Variants in FRMD4A observed in about 807,000 individuals in gnomAD.
FRMD4A encodes FERM domain-containing protein 4A.
A neutral mutation model predicts 129.1 loss-of-function variants in FRMD4A; 29 were observed. The observed-to-expected ratio is 0.22, with a 90% CI of 0.17 to 0.31. FRMD4A has a LOEUF of 0.31. Among genes scored for constraint, FRMD4A ranks in the 10% least tolerant of loss-of-function variants. FRMD4A has a pLI of 1.00. For missense variants in FRMD4A, 1,272 were observed against 1,375.8 expected (o/e 0.92, Z 1.19); for synonymous variants, 634 against 571.6 (o/e 1.11, Z -1.56).
chr10:14,209,132 C>A (rs570289265), intron 2 of FRMD4A, among the ~76,000 whole-genome samples: 1 of 152,204 alleles, frequency 6.6e-6, no homozygotes, highest in African/African-American at 2.4e-5. Flanking sequence ...GCCTTGTGGC[C>A]TCATCACTCC....
intron 2 of FRMD4A, among the ~76,000 whole-genome samples, chr10:14,184,482 CTATTA>C (rs60578928): frequency 0.12 from 17,521 of 141,356 alleles, 2,002 homozygotes; most frequent in African/African-American, 0.31. Context: ...ACTTTCTATT[CTATTA>C]TGTTAAAAAA....
chr10:13,856,614 G>A (rs2131030791), intron 3 of FRMD4A, among the ~76,000 whole-genome samples: 1 of 152,262 alleles, frequency 6.6e-6, no homozygotes, highest in South Asian at 2.1e-4. Flanking sequence ...AGACCAGCCA[G>A]GTCCAGGGCG....
At chr10:14,108,397 T>G (rs1227020561) in intron 2 of FRMD4A, among the ~76,000 whole-genome samples, 10 of 152,234 alleles carry the variant, frequency 6.6e-5, no homozygotes, top group Admixed American at 6.5e-4. Context: ...TAGAAATCTC[T>G]TCTACTTTAG....
At chr10:14,326,897 T>A (rs1843299831) in intron 2 of FRMD4A, 1 of 398,678 alleles carries the variant, frequency 2.5e-6, no homozygotes, top group Non-Finnish European at 4.4e-6. Context: ...AGAGGCAGCT[T>A]TTCAACAGCC....
intron 2 of FRMD4A, among the ~76,000 whole-genome samples, chr10:14,023,058 G>A (rs1021057299): frequency 1.3e-5 from 2 of 152,076 alleles, no homozygotes; most frequent in Admixed American, 1.3e-4. Flanking sequence ...GCCAGGCAGA[G>A]GAAGTGGTCC....
At chr10:14,106,511 A>G (rs897274250) in intron 2 of FRMD4A, among the ~76,000 whole-genome samples, 7 of 152,240 alleles carry the variant, frequency 4.6e-5, no homozygotes, top group African/African-American at 7.2e-5. Context: ...AGTATAAATT[A>G]AGTCATACAT....
chr10:13,980,586 C>G (rs892309376), intron 2 of FRMD4A, among the ~76,000 whole-genome samples: 3 of 151,874 alleles, frequency 2.0e-5, no homozygotes. Flanking sequence ...AAATAATTAG[C>G]TGGGGGAGCC....
chr10:14,203,374 G>A (rs1344879801), intron 2 of FRMD4A, among the ~76,000 whole-genome samples: 1 of 152,132 alleles, frequency 6.6e-6, no homozygotes, highest in Non-Finnish European at 1.5e-5. Context: ...CTGTTTTGCA[G>A]TGGTTAATGT....
chr10:13,682,854 G>A (rs762019340), intron 15 of FRMD4A, among the ~76,000 whole-genome samples: 26 of 152,044 alleles, frequency 1.7e-4, no homozygotes, highest in Non-Finnish European at 3.4e-4. Flanking sequence ...AGGCTGAACT[G>A]GGAGTCTAAC....
intron 2 of FRMD4A, among the ~76,000 whole-genome samples, chr10:13,867,604 ATATTATT>A (rs1172751063): frequency 4.8e-5 from 3 of 61,856 alleles, no homozygotes; most frequent in African/African-American, 2.0e-4. Context: ...TATATATTAT[ATATTATT>A]ATAATGTATA....
At chr10:14,284,264 C>T (rs1205549929) in intron 2 of FRMD4A, among the ~76,000 whole-genome samples, 1 of 152,130 alleles carries the variant, frequency 6.6e-6, no homozygotes, top group Non-Finnish European at 1.5e-5. Context: ...TAAACTCTAC[C>T]AACATGTACT....
At chr10:13,948,555 C>T (rs1338646470) in intron 2 of FRMD4A, among the ~76,000 whole-genome samples, 2 of 151,660 alleles carry the variant, frequency 1.3e-5, no homozygotes, top group Non-Finnish European at 2.9e-5. Flanking sequence ...GAGCATTTTG[C>T]AGGCAGCTCT....
intron 2 of FRMD4A, among the ~76,000 whole-genome samples, chr10:14,272,888 G>A (rs1403635519): frequency 6.6e-6 from 1 of 152,078 alleles, no homozygotes; most frequent in Non-Finnish European, 1.5e-5. Flanking sequence ...TCAAATAGAC[G>A]TCTTGGTCTT....
At chr10:13,919,736 G>A (rs1178815742) in intron 2 of FRMD4A, among the ~76,000 whole-genome samples, 3 of 152,194 alleles carry the variant, frequency 2.0e-5, no homozygotes, top group South Asian at 2.1e-4. Flanking sequence ...TTAGGAGTTC[G>A]AGACCAGCCT....
chr10:14,318,342 C>A (rs1243505529), intron 2 of FRMD4A, among the ~76,000 whole-genome samples: 1 of 134,616 alleles, frequency 7.4e-6, no homozygotes, highest in South Asian at 2.5e-4. Flanking sequence ...TTTTTTTTTA[C>A]CTTGACACAT....
rs1247455222 is a variant in FRMD4A, at chr10:13,652,124, T to TGC, written c.3051-152_3051-151dup. Reference sequence around the variant, plus strand: ...AGTTAGCAACAGATCATACAAGTCATGCAGTACTTTCAGTCCCCATAATTG... The same window carrying TGC: ...AGTTAGCAACAGATCATACAAGTCATGCGCAGTACTTTCAGTCCCCATAATTG... On this transcript the variant is annotated intron_variant, in intron 23 of 24. Coordinates refer to ENST00000357447, the MANE Select transcript of FRMD4A (RefSeq NM_018027.5). The TGC allele has an allele frequency of 4.4e-5, 29 of 666,210 alleles. No homozygotes were observed. In the East Asian group the frequency reaches 7.7e-4, roughly 18 times the overall value. The allele number at this position is 666,210 out of a possible 1,614,324, so 41.3% of individuals were successfully genotyped here.
At chr10:13,862,042 A>G (rs1245993090) in intron 2 of FRMD4A, among the ~76,000 whole-genome samples, 3 of 152,210 alleles carry the variant, frequency 2.0e-5, no homozygotes, top group Admixed American at 1.3e-4. Context: ...AGGTCAATAG[A>G]GTAAAAGTTT....
At chr10:14,255,804 A>T (rs1277906972) in intron 2 of FRMD4A, among the ~76,000 whole-genome samples, 1 of 152,140 alleles carries the variant, frequency 6.6e-6, no homozygotes, top group Non-Finnish European at 1.5e-5. Context: ...TCAAGAGTTC[A>T]AGACCAGCCT....
intron 6 of FRMD4A, among the ~76,000 whole-genome samples, chr10:13,778,429 A>G (rs2092654033): frequency 6.6e-6 from 1 of 152,122 alleles, no homozygotes; most frequent in African/African-American, 2.4e-5. Flanking sequence ...GCCCAGTTTA[A>G]GTCCTGGCTC....
Sources: gnomAD v4.1 joint callset for allele counts (sites outside exome capture counted in the v4.1 genomes callset) on GRCh38, gnomAD v4.1.1 for gene constraint, MANE v1.5 for transcripts, NCBI Gene and HGNC (gene_info 2026-07-23, HGNC 2026-07-21) for gene names.